LGALS3: variants seen among roughly 807,000 people sequenced by gnomAD.
The protein encoded by LGALS3 is galectin-3.
In LGALS3, 18 loss-of-function variants were observed where a neutral mutation model predicts 20.7. The ratio of observed to expected loss-of-function variants is 0.87; its 90% CI spans 0.60 to 1.29. The LOEUF (loss-of-function observed/expected upper bound fraction) is 1.29. Among genes scored for constraint, LGALS3 ranks in the 50% most tolerant of loss-of-function variants. The pLI, the probability that LGALS3 is intolerant of heterozygous loss-of-function variation, is 0.00. For synonymous variants in LGALS3, 112 were observed against 119.6 expected (o/e 0.94, Z 0.42); for missense variants, 315 against 314.7 (o/e 1.00, Z -0.01).
chr14:55,142,952 C>G (rs1881680327), intron 5 of LGALS3, among the ~76,000 whole-genome samples: 1 of 152,140 alleles, frequency 6.6e-6, no homozygotes, highest in African/African-American at 2.4e-5. Context: ...CTTTCAGGCA[C>G]CTCTCCATCA....
chr14:55,142,868 T>A, intron 5 of LGALS3, 119 bp downstream of exon 5: 1 of 731,032 alleles, frequency 1.4e-6, no homozygotes, highest in Non-Finnish European at 2.2e-6. Flanking sequence ...CCTAACCAGT[T>A]TATCTTCTCC....
intron 4 of LGALS3, 81 bp downstream of exon 4, chr14:55,140,444 G>T: frequency 2.3e-6 from 2 of 851,762 alleles, no homozygotes; most frequent in African/African-American, 1.7e-5. Context: ...TTTTCTTCTT[G>T]CCCTGTCTTA....
intron 1 of LGALS3, among the ~76,000 whole-genome samples, chr14:55,130,740 G>A (rs1286329685): frequency 2.8e-5 from 2 of 72,422 alleles, no homozygotes; most frequent in Admixed American, 2.4e-4. Flanking sequence ...TGTATTTTTC[G>A]TGGTGGTGGT....
intron 1 of LGALS3, among the ~76,000 whole-genome samples, chr14:55,130,372 T>C (rs1156276245): frequency 2.0e-5 from 3 of 152,066 alleles, no homozygotes; most frequent in Non-Finnish European, 4.4e-5. Context: ...ACTCTGGGAA[T>C]TGGGTTGCTG....
intron 2 of LGALS3, 35 bp downstream of exon 2, chr14:55,137,426 A>G: frequency 6.2e-7 from 1 of 1,614,216 alleles, no homozygotes; most frequent in African/African-American, 1.3e-5. Flanking sequence ...CCCCTTGATC[A>G]GCTCCACATG....
Position 55,145,149 on chromosome 14 carries a change from G to T in LGALS3, c.631G>T (p.Val211Phe). The change falls in exon 6 of 6, where the codon GTT becomes TTT. Residue 211 changes from valine to phenylalanine, a missense_variant. Physicochemically the swap from Val to Phe is conservative, Grantham distance 50 (BLOSUM62 -1). Transcript: ENST00000254301. ...QVLVEPDHFK[V>F]AVNDAHLLQY... ...ACTGGTTGAACCTGACCACTTCAAG[G>T]TTGCAGTGAATGATGCTCACTTGTT... is the stretch of plus-strand genomic sequence containing the variant. The T allele has an allele frequency of 6.2e-7, 1 of 1,613,892 alleles. No homozygotes were observed. Among genetic ancestry groups the T allele is most frequent in the Non-Finnish European group, 8.5e-7 (1 of 1,179,876 alleles).
At chr14:55,134,420 T>G (rs114284476) in intron 1 of LGALS3, among the ~76,000 whole-genome samples, 35 of 152,320 alleles carry the variant, frequency 2.3e-4, no homozygotes, top group African/African-American at 8.2e-4. Flanking sequence ...ATAACGTTAT[T>G]GCTGGGTCTT....
At chr14:55,140,484 T>A in intron 4 of LGALS3, 121 bp downstream of exon 4, 1 of 608,120 alleles carries the variant, frequency 1.6e-6, no homozygotes, top group South Asian at 2.1e-5. Context: ...AGTAAAATTT[T>A]AAAAACTACA....
chr14:55,133,910 C>G (rs1881305423), intron 1 of LGALS3, among the ~76,000 whole-genome samples: 1 of 152,204 alleles, frequency 6.6e-6, no homozygotes, highest in Admixed American at 6.5e-5. Flanking sequence ...CTTTATAAGG[C>G]AAATTCAGCT....
chr14:55,132,912 G>A (rs987373536), intron 1 of LGALS3, among the ~76,000 whole-genome samples: 1 of 152,080 alleles, frequency 6.6e-6, no homozygotes, highest in Non-Finnish European at 1.5e-5. Flanking sequence ...AAGTTGACGG[G>A]GCATACCCAA....
In LGALS3 at chr14:55,131,755, G is replaced by A. The variant is rs182453206; in HGVS notation, c.-5+2455G>A. Among the ~76,000 whole-genome samples the A allele has an allele frequency of 1.1e-4, 17 of 152,276 alleles. No individual in the cohort carries two copies. In the East Asian group the frequency reaches 2.7e-3, roughly 24 times the overall value. On this transcript the variant is annotated intron_variant, in intron 1 of 5. Coordinates refer to ENST00000254301, the MANE Select transcript of LGALS3 (RefSeq NM_002306.4). ...CTCTTTTGAACTGTTCAGCTTTTCC[G>A]TAGGGGGGAAGATCAGTCATGAGAA...
intron 5 of LGALS3, chr14:55,143,540 G>A (rs543061662): frequency 2.4e-4 from 62 of 256,166 alleles, no homozygotes; most frequent in Admixed American, 2.2e-3. Context: ...TCCTGCCTCA[G>A]CCTCCCAAGT....
chr14:55,137,359 G>T lies in LGALS3; in HGVS notation c.-4-11G>T, dbSNP rs1555380400. Reference sequence around the variant, plus strand: ...CTTTTAGGATAAAATGATAATCTTTGTTTCTTTCAGGAAAATGGCAGACAA... The same window carrying T: ...CTTTTAGGATAAAATGATAATCTTTTTTTCTTTCAGGAAAATGGCAGACAA... On this transcript the variant is annotated splice_polypyrimidine_tract_variant and intron_variant, in intron 1 of 5. Transcript: ENST00000254301. The T allele has an allele frequency of 6.2e-7, 1 of 1,612,986 alleles. No individual in the cohort carries two copies. Among genetic ancestry groups the T allele is most frequent in the Admixed American group, 1.7e-5 (1 of 60,022 alleles).
intron 1 of LGALS3, among the ~76,000 whole-genome samples, chr14:55,136,598 G>A (rs1202799215): frequency 6.6e-6 from 1 of 152,042 alleles, no homozygotes; most frequent in Non-Finnish European, 1.5e-5. Flanking sequence ...ACACAGGTAT[G>A]CAATGCCTAA....
intron 5 of LGALS3, chr14:55,143,441 G>C (rs1004624475): frequency 6.2e-6 from 2 of 323,258 alleles, no homozygotes; most frequent in Non-Finnish European, 1.2e-5. Context: ...TTTTTTTTTC[G>C]AGACAGAGTC....
intron 1 of LGALS3, among the ~76,000 whole-genome samples, chr14:55,131,495 T>G (rs1017049516): frequency 1.3e-5 from 2 of 152,242 alleles, no homozygotes; most frequent in African/African-American, 4.8e-5. Flanking sequence ...CGTGTTGACC[T>G]TAAATGCCAA....
chr14:55,142,115 T>G (rs548953183), intron 4 of LGALS3, among the ~76,000 whole-genome samples: 1 of 152,374 alleles, frequency 6.6e-6, no homozygotes, highest in South Asian at 2.1e-4. Flanking sequence ...CTAGGGCTTC[T>G]GGTTAATTAT....
rs1208082550 is a variant in LGALS3 at position 55,129,566 on chromosome 14, G to C, written c.-5+266G>C. Among the ~76,000 whole-genome samples the C allele has an allele frequency of 6.6e-6, 1 of 152,154 alleles. No individual in the cohort carries two copies. The highest frequency in any genetic ancestry group is 6.5e-5 in the Admixed American group (1 of 15,282). ...CTTACGAGACCCACACACGTCCCCG[G>C]GGCGGCACGGGCCACCTTCTGCGGA... On this transcript the variant is annotated intron_variant, in intron 1 of 5. Coordinates refer to ENST00000254301, the MANE Select transcript of LGALS3 (RefSeq NM_002306.4). The surrounding 1 kb of genome is among the most constrained non-coding windows in gnomAD (Gnocchi z 5.3).
At chr14:55,132,803 A>G (rs1881270606) in intron 1 of LGALS3, among the ~76,000 whole-genome samples, 1 of 152,074 alleles carries the variant, frequency 6.6e-6, no homozygotes, top group Non-Finnish European at 1.5e-5. Context: ...CCCTAACCTC[A>G]TGATCCTCCT....
Sources: gnomAD v4.1 joint callset for allele counts (sites outside exome capture counted in the v4.1 genomes callset) on GRCh38, gnomAD v4.1.1 for gene constraint, Gnocchi (gnomAD v3.1) non-coding constraint, MANE v1.5 for transcripts, NCBI Gene and HGNC (gene_info 2026-07-23, HGNC 2026-07-21) for gene names.